SLC22A8: variants seen among roughly 807,000 people sequenced by gnomAD.
SLC22A8 encodes the protein solute carrier family 22 member 8.
A neutral mutation model predicts 48.4 loss-of-function variants in SLC22A8; 40 were observed. The observed-to-expected ratio is 0.83, with a 90% CI of 0.64 to 1.08. The LOEUF is 1.08. Ranked by LOEUF, SLC22A8 falls within the 50% of genes least tolerant of loss-of-function variation. The pLI, the probability that SLC22A8 is intolerant of heterozygous loss-of-function variation, is 0.00. For synonymous variants in SLC22A8, 268 were observed against 286.3 expected, an observed-to-expected ratio of 0.94 and a Z score of 0.65; for missense variants, 606 against 699.0, an observed-to-expected ratio of 0.87 and a Z score of 1.50.
chr11:62,999,669 A>G lies in SLC22A8; in HGVS notation c.592+19T>C. On this transcript the variant is annotated intron_variant, in intron 4 of 10. Transcript: ENST00000336232. ...ATGGTGCTCCCCAAAGCCCAGCTCC[A>G]TGCCCCACTGCAGCTCACTCAAGAT... The G allele has an allele frequency of 1.3e-6, 2 of 1,501,020 alleles. No individual in the cohort carries two copies. Among genetic ancestry groups the G allele is most frequent in the Non-Finnish European group, 1.8e-6 (2 of 1,118,882 alleles). The allele number at this position is 1,501,020 out of a possible 1,614,324, so 93.0% of individuals were successfully genotyped here. A position where few individuals can be genotyped will look rare whatever the true frequency, so the allele number is the denominator to read the frequency against.
chr11:63,013,447 T>C (rs1045475572), intron 2 of SLC22A8, among the ~76,000 whole-genome samples: 2 of 152,154 alleles, frequency 1.3e-5, no homozygotes, highest in African/African-American at 4.8e-5. Flanking sequence ...GCATCTCTTC[T>C]CATGAGGCAA....
At chr11:63,013,182 C>T (rs1357624527) in intron 2 of SLC22A8, among the ~76,000 whole-genome samples, 1 of 152,136 alleles carries the variant, frequency 6.6e-6, no homozygotes. Context: ...ACATAGTAAG[C>T]ACTTTATATA....
chr11:63,009,298 C>A (rs1306799542), intron 2 of SLC22A8, among the ~76,000 whole-genome samples: 1 of 152,098 alleles, frequency 6.6e-6, no homozygotes, highest in East Asian at 1.9e-4. Context: ...AGTCTGCTCA[C>A]AAGAGGCCTC....
intron 5 of SLC22A8, among the ~76,000 whole-genome samples, chr11:62,998,526 C>T (rs2135123452): frequency 6.6e-6 from 1 of 152,340 alleles, no homozygotes; most frequent in East Asian, 1.9e-4. Flanking sequence ...ATTGTCCCCA[C>T]TCAGTTGGGT....
At position 62,994,543 on chromosome 11, in the gene SLC22A8, C is replaced by G. The variant is rs560117156; in HGVS notation, c.1215G>C (p.Leu405Phe). ...GAILALTFVP[L>F]DLQTVRTVLA... ...TCTGGGGTAGCCCCAGTCTCTCACC[C>G]AAGGGCACAAAGGTGAGAGCCAAGA... The change falls in exon 8 of 11, where the codon TTG becomes TTC. Residue 405 changes from leucine to phenylalanine, a missense_variant and splice_region_variant. Physicochemically the swap from Leu to Phe is conservative, Grantham distance 22. Coordinates refer to ENST00000336232, the MANE Select transcript of SLC22A8 (RefSeq NM_004254.4). 1.2e-6 allele frequency: 2 copies of G among 1,601,144 alleles called. No individual in the cohort carries two copies. The highest frequency in any genetic ancestry group is 2.2e-5 in the East Asian group (1 of 44,496).
At chr11:63,005,768 C>T (rs533971069) in intron 2 of SLC22A8, among the ~76,000 whole-genome samples, 2 of 152,296 alleles carry the variant, frequency 1.3e-5, no homozygotes, top group African/African-American at 4.8e-5. Flanking sequence ...AGGAAGGATT[C>T]TTCCCTAGAG....
chr11:62,993,633 A>G lies in SLC22A8; in HGVS notation c.1326-6T>C. ...TTACGCCCATACCTGTTTGCCTGCGAGGGTTCAGAGTAGGGATTGGTAGCC... is the reference window on the plus strand; with the variant it reads ...TTACGCCCATACCTGTTTGCCTGCGGGGGTTCAGAGTAGGGATTGGTAGCC... On this transcript the variant is annotated splice_region_variant and splice_polypyrimidine_tract_variant and intron_variant, in intron 9 of 10. Coordinates refer to ENST00000336232, the MANE Select transcript of SLC22A8 (RefSeq NM_004254.4). The G allele has an allele frequency of 6.2e-7, 1 of 1,605,274 alleles. No individual in the cohort carries two copies. The highest frequency in any genetic ancestry group is 8.5e-7 in the Non-Finnish European group (1 of 1,173,806).
intron 2 of SLC22A8, among the ~76,000 whole-genome samples, chr11:63,014,060 G>T (rs1350957053): frequency 2.0e-5 from 3 of 152,108 alleles, no homozygotes; most frequent in Non-Finnish European, 4.4e-5. Context: ...CCTCTGTGCG[G>T]TCCCTCCTCC....
chr11:63,015,719 C>T lies in SLC22A8; in HGVS notation c.-26+10G>A, dbSNP rs1038311450. 2.6e-5 allele frequency: 4 copies of T among 153,100 alleles called. No homozygotes were observed. Among genetic ancestry groups the T allele is most frequent in the Non-Finnish European group, 5.8e-5 (4 of 68,780 alleles). The allele number at this position is 153,100 out of a possible 1,614,324, so 9.5% of individuals were successfully genotyped here. On this transcript the variant is annotated intron_variant, in intron 1 of 10. Transcript: ENST00000336232. ...TGCCTGGGCTGGGGAGGCCCTCCAT[C>T]CCTCCTCACCTGGTGGCCGGGTCTG...
At chr11:63,013,301 T>C (rs2086639349) in intron 2 of SLC22A8, among the ~76,000 whole-genome samples, 1 of 152,182 alleles carries the variant, frequency 6.6e-6, no homozygotes, top group Admixed American at 6.5e-5. Flanking sequence ...GGGAAGGTCA[T>C]GGAATCAAGC....
Position 62,999,108 on chromosome 11 carries a change from C to A in SLC22A8, c.593-19G>T, listed in dbSNP as rs937096765. 2.0e-5 allele frequency: 32 copies of A among 1,605,590 alleles called. No individual in the cohort carries two copies. Among genetic ancestry groups the A allele is most frequent in the Non-Finnish European group, 2.6e-5 (31 of 1,173,664 alleles). The stretch of plus-strand genomic sequence containing the variant: ...TCCACATCTGTGGGAGGAGTCCAAG[C>A]ACCAGATTAGTGTTCTGCTAGGTCC... On this transcript the variant is annotated intron_variant, in intron 4 of 10. Coordinates refer to ENST00000336232, the MANE Select transcript of SLC22A8 (RefSeq NM_004254.4).
chr11:62,999,195 C>A (rs2086461403), intron 4 of SLC22A8, 106 bp from the exon 5 acceptor site: 2 of 977,370 alleles, frequency 2.0e-6, no homozygotes, highest in African/African-American at 1.6e-5. Flanking sequence ...ACATCCTCCC[C>A]ACGGATGCTG....
chr11:63,009,296 C>T (rs1242227953), intron 2 of SLC22A8, among the ~76,000 whole-genome samples: 1 of 152,084 alleles, frequency 6.6e-6, no homozygotes, highest in East Asian at 1.9e-4. Flanking sequence ...GAAGTCTGCT[C>T]ACAAGAGGCC....
chr11:63,002,112 G>A (rs1324775899), intron 2 of SLC22A8, among the ~76,000 whole-genome samples: 1 of 151,970 alleles, frequency 6.6e-6, no homozygotes, highest in Non-Finnish European at 1.5e-5. Context: ...AGCTCACTAT[G>A]TTGCCCAGGC....
intron 7 of SLC22A8, chr11:62,995,430 A>C: frequency 2.0e-6 from 1 of 506,120 alleles, no homozygotes; most frequent in Non-Finnish European, 3.5e-6. Flanking sequence ...AGCGGCAGGG[A>C]TGTGAGCTGG....
rs760232064 is a variant in SLC22A8 at position 62,993,522 on chromosome 11, G to A, written c.1431C>T (p.Ile477=). 1.2e-6 allele frequency: 2 copies of A among 1,614,200 alleles called. No individual in the cohort carries two copies. The highest frequency in any genetic ancestry group is 8.5e-7 in the Non-Finnish European group (1 of 1,180,026). ...CCCCGAGGAGGGCGGTGATCCCGTA[G>A]ATGATATTGGGGATGAAGGGCTGTA... The part of the protein sequence containing the change: ...GEVQPFIPNI[I]YGITALLGGS... The change falls in exon 10 of 11, where the codon ATC becomes ATT. Residue 477 remains isoleucine (I), a synonymous_variant. Transcript: ENST00000336232.
At chr11:63,001,005 C>T (rs1360680062) in intron 2 of SLC22A8, 182 bp from the exon 3 acceptor site, 9 of 578,630 alleles carry the variant, frequency 1.6e-5, no homozygotes, top group Admixed American at 5.4e-5. Context: ...TGTGGCTCTT[C>T]GGCCCCTGAC....
Position 62,993,339 on chromosome 11 carries a change from A to C in SLC22A8, c.1530-3T>G. ...TTGGCTTCTTTGCCCGCAGGGACCT[A>C]GGGACAGAGAGCTAAGGAAAAGCCC... is the stretch of plus-strand genomic sequence containing the variant. On this transcript the variant is annotated splice_region_variant and splice_polypyrimidine_tract_variant and intron_variant, in intron 10 of 10. Coordinates refer to ENST00000336232, the MANE Select transcript of SLC22A8 (RefSeq NM_004254.4). 1 of 1,613,922 alleles carries C rather than the reference A, an allele frequency of 6.2e-7. No individual in the cohort carries two copies. Among genetic ancestry groups the C allele is most frequent in the South Asian group, 1.1e-5 (1 of 91,078 alleles).
chr11:63,000,734 T>G lies in SLC22A8; in HGVS notation c.423A>C (p.Gly141=). 6.2e-7 allele frequency: 1 copy of G among 1,612,792 alleles called. No homozygotes were observed. The highest frequency in any genetic ancestry group is 8.5e-7 in the Non-Finnish European group (1 of 1,178,836). ...CCATGTCTCACCTGTCAGACAGGTCTCCAAGCACGAGCCCTCCAATCAGTA... is the reference window on the plus strand; with the variant it reads ...CCATGTCTCACCTGTCAGACAGGTCGCCAAGCACGAGCCCTCCAATCAGTA... ...AGILIGGLVL[G]DLSDRFGRRP... The change falls in exon 3 of 11, where the codon GGA becomes GGC. Residue 141 remains glycine (G), a synonymous_variant. Transcript: ENST00000336232.
Sources: gnomAD v4.1 joint callset for allele counts (sites outside exome capture counted in the v4.1 genomes callset) on GRCh38, gnomAD v4.1.1 for gene constraint, MANE v1.5 for transcripts, NCBI Gene and HGNC (gene_info 2026-07-23, HGNC 2026-07-21) for gene names.